The following CSGALNACT1 variants were observed in gnomAD, a reference collection of about 807,000 sequenced individuals.
CSGALNACT1 encodes chondroitin sulfate N-acetylgalactosaminyltransferase 1.
Under a neutral mutation model 51.0 loss-of-function variants are expected in CSGALNACT1, and 52 were observed. That is an observed-to-expected ratio of 1.02 (90% CI 0.82 to 1.29). CSGALNACT1 has a LOEUF of 1.29. Ranked by LOEUF, CSGALNACT1 falls within the 50% of genes most tolerant of loss-of-function variation. The pLI is 0.00. For missense variants in CSGALNACT1, 935 were observed against 679.2 expected, an observed-to-expected ratio of 1.38 and a Z score of -4.19; for synonymous variants, 341 against 254.4, an observed-to-expected ratio of 1.34 and a Z score of -3.24.
intron 1 of CSGALNACT1, among the ~76,000 whole-genome samples, chr8:19,724,894 C>G (rs1408083892): frequency 6.6e-6 from 1 of 152,218 alleles, no homozygotes; most frequent in East Asian, 1.9e-4. Context: ...GCCCCGCATT[C>G]TCTTCTTTGG....
intron 1 of CSGALNACT1, among the ~76,000 whole-genome samples, chr8:19,658,385 T>C (rs547777782): frequency 6.4e-4 from 98 of 152,290 alleles, no homozygotes; most frequent in African/African-American, 2.3e-3. Context: ...AACCATACTT[T>C]AACTATGTTT....
At chr8:19,628,437 TC>T (rs1409452242) in intron 1 of CSGALNACT1, among the ~76,000 whole-genome samples, 3 of 152,092 alleles carry the variant, frequency 2.0e-5, no homozygotes. Context: ...TCCCACCAGG[TC>T]CCTCCCTTGA....
intron 9 of CSGALNACT1, among the ~76,000 whole-genome samples, chr8:19,407,102 A>G (rs1181301549): frequency 6.6e-6 from 1 of 152,190 alleles, no homozygotes; most frequent in Non-Finnish European, 1.5e-5. Context: ...ACCTGCTGTT[A>G]GTTGTTGAGT....
intron 6 of CSGALNACT1, 78 bp downstream of exon 5, chr8:19,439,752 G>T: frequency 9.2e-7 from 1 of 1,089,356 alleles, no homozygotes; most frequent in Non-Finnish European, 1.4e-6. Flanking sequence ...ATAAAATTAA[G>T]CAGAAGTTTC....
chr8:19,540,696 C>T (rs916896976), intron 3 of CSGALNACT1, among the ~76,000 whole-genome samples: 8 of 152,212 alleles, frequency 5.3e-5, no homozygotes, highest in African/African-American at 1.7e-4. Flanking sequence ...AGCCACAGTG[C>T]TATATGCTGT....
intron 1 of CSGALNACT1, among the ~76,000 whole-genome samples, chr8:19,720,628 C>T (rs974798376): frequency 1.3e-5 from 2 of 152,110 alleles, no homozygotes; most frequent in African/African-American, 4.8e-5. Context: ...TGTGGCTGTG[C>T]CAGGCGTGGC....
intron 3 of CSGALNACT1, among the ~76,000 whole-genome samples, chr8:19,577,558 CAA>C (rs11325332): frequency 0.028 from 4,082 of 147,290 alleles, 191 homozygotes; most frequent in African/African-American, 0.098. Flanking sequence ...GACCCTATCT[CAA>C]AAAAAAAAAA....
At chr8:19,470,727 C>G (rs1388783907) in intron 4 of CSGALNACT1, among the ~76,000 whole-genome samples, 1 of 152,108 alleles carries the variant, frequency 6.6e-6, no homozygotes, top group Non-Finnish European at 1.5e-5. Context: ...TCCTGATGAT[C>G]CACACCCGTT....
At chr8:19,438,083 C>A (rs996750848) in intron 6 of CSGALNACT1, among the ~76,000 whole-genome samples, 3 of 151,998 alleles carry the variant, frequency 2.0e-5, no homozygotes, top group Non-Finnish European at 4.4e-5. Context: ...AATGCCTGGT[C>A]ATTCTTTGAT....
rs1159626193 is a variant in CSGALNACT1 at position 19,541,553 on chromosome 8, A to ATTTTTTTTTTTTTT, written c.-296-35437_-296-35424dup. ...AGGTGTGAGCCACCGTGCTCAGCCAATTTTTTTTTTTTTTTTTTTTTTTTT... is the reference window on the plus strand; with the variant it reads ...AGGTGTGAGCCACCGTGCTCAGCCAATTTTTTTTTTTTTTTTTTTTTTTTTTTTTTTTTTTTTTT... On this transcript the variant is annotated intron_variant, in intron 3 of 9. Transcript: ENST00000454498. 2.8e-3 allele frequency among the ~76,000 whole-genome samples: 194 copies of ATTTTTTTTTTTTTT among 70,098 alleles called. 50 individuals are homozygous for ATTTTTTTTTTTTTT. Among genetic ancestry groups the ATTTTTTTTTTTTTT allele is most frequent in the African/African-American group, 0.012 (179 of 14,792 alleles). 46.0% of individuals were successfully genotyped at this position (70,098 alleles called of 152,430 possible).
intron 1 of CSGALNACT1, among the ~76,000 whole-genome samples, chr8:19,618,629 C>CAAAAAAAAAAAAAAAAAAAAAAAAAAAA (rs60787326): frequency 6.2e-5 from 4 of 64,034 alleles, no homozygotes; most frequent in South Asian, 1.1e-3. Flanking sequence ...AATACTCCAT[C>CAAAAAAAAAAAAAAAAAAAAAAAAAAAA]AAAAAAAAAA....
At chr8:19,578,409 G>A (rs1169949611) in intron 3 of CSGALNACT1, among the ~76,000 whole-genome samples, 3 of 152,136 alleles carry the variant, frequency 2.0e-5, no homozygotes, top group Admixed American at 6.5e-5. Flanking sequence ...GCTGCCTGGA[G>A]GAAGAAGACA....
At chr8:19,656,787 G>A (rs1275524737) in intron 1 of CSGALNACT1, among the ~76,000 whole-genome samples, 1 of 152,074 alleles carries the variant, frequency 6.6e-6, no homozygotes, top group African/African-American at 2.4e-5. Context: ...AACCATGTAG[G>A]CCAGATGCAG....
exon 5 of CSGALNACT1, chr8:19,458,452 C>G: frequency 6.2e-7 from 1 of 1,614,176 alleles, no homozygotes; most frequent in Non-Finnish European, 8.5e-7. Context: ...ACTGCCGGAA[C>G]TTGTCCACCC....
At chr8:19,605,169 A>G (rs2051194123), upstream of CSGALNACT1, among the ~76,000 whole-genome samples, 1 of 152,244 alleles carries the variant, frequency 6.6e-6, no homozygotes, top group Non-Finnish European at 1.5e-5. Flanking sequence ...TGCAGTTAGA[A>G]TAGTTACAAA....
intron 6 of CSGALNACT1, among the ~76,000 whole-genome samples, chr8:19,425,738 G>A (rs2058674826): frequency 1.3e-5 from 2 of 152,186 alleles, no homozygotes; most frequent in South Asian, 4.1e-4. Flanking sequence ...GATAGACTGA[G>A]CCTTCCCTCA....
In CSGALNACT1 at chr8:19,673,832, A is replaced by G. The variant is rs555598687; in HGVS notation, c.-544+8641T>C. 1.4e-3 allele frequency among the ~76,000 whole-genome samples: 212 copies of G among 152,224 alleles called. 1 individual carries two copies. The highest frequency in any genetic ancestry group is 2.7e-3 in the Non-Finnish European group (185 of 68,034). ...CTTTTTGTGAAGAAGTACTCTGAAAATATTGTTTGTCTTTTGGTGCACTCA... is the reference window on the plus strand; with the variant it reads ...CTTTTTGTGAAGAAGTACTCTGAAAGTATTGTTTGTCTTTTGGTGCACTCA... On this transcript the variant is annotated intron_variant, in intron 1 of 9. Transcript: ENST00000332246.
At chr8:19,653,318 C>T (rs1460791154) in intron 1 of CSGALNACT1, among the ~76,000 whole-genome samples, 1 of 152,182 alleles carries the variant, frequency 6.6e-6, no homozygotes, top group Non-Finnish European at 1.5e-5. Context: ...TCCCTACAGG[C>T]AGCAATCCTC....
At chr8:19,543,070 T>C in intron 3 of CSGALNACT1, among the ~76,000 whole-genome samples, 1 of 152,146 alleles carries the variant, frequency 6.6e-6, no homozygotes, top group East Asian at 1.9e-4. Context: ...ATATGCAAAA[T>C]ATAACCCAGA....
Sources: gnomAD v4.1 joint callset for allele counts (sites outside exome capture counted in the v4.1 genomes callset) on GRCh38, gnomAD v4.1.1 for gene constraint, MANE v1.5 for transcripts, NCBI Gene and HGNC (gene_info 2026-07-23, HGNC 2026-07-21) for gene names.